Variants in ACER3 observed in about 807,000 individuals in gnomAD.
ACER3 encodes the protein alkCDase 3.
A neutral mutation model predicts 48.9 loss-of-function variants in ACER3; 16 were observed. The ratio of observed to expected loss-of-function variants is 0.33; its 90% CI spans 0.22 to 0.50. ACER3 has a LOEUF of 0.50. ACER3 is among the 20% of genes least tolerant of loss of function. The probability of loss-of-function intolerance (pLI) is 0.98; values close to 1 mark genes in which losing one functional copy is unlikely to be tolerated. For missense variants in ACER3, 227 were observed against 326.0 expected (o/e 0.70, Z 2.34); for synonymous variants, 109 against 107.8 (o/e 1.01, Z -0.07).
At chr11:76,968,870 G>A (rs1269415016) in intron 3 of ACER3, among the ~76,000 whole-genome samples, 1 of 152,144 alleles carries the variant, frequency 6.6e-6, no homozygotes, top group Non-Finnish European at 1.5e-5. Context: ...TACCATTCAG[G>A]ACATAGGCAT....
chr11:76,984,944 A>G (rs1388261297), intron 4 of ACER3, among the ~76,000 whole-genome samples: 1 of 152,180 alleles, frequency 6.6e-6, no homozygotes, highest in African/African-American at 2.4e-5. Context: ...ACCTTACTAG[A>G]ACTGGAAGGA....
chr11:76,970,480 A>G (rs1305144850), intron 3 of ACER3, among the ~76,000 whole-genome samples: 1 of 152,210 alleles, frequency 6.6e-6, no homozygotes. Context: ...TCAAAGACTG[A>G]TGAAGTGTTC....
chr11:76,896,933 T>C (rs1195327267), intron 1 of ACER3, among the ~76,000 whole-genome samples: 1 of 151,666 alleles, frequency 6.6e-6, no homozygotes. Context: ...TTTTTTGTTG[T>C]TGTTGTTGTT....
At chr11:76,864,690 C>G (rs7932066) in intron 1 of ACER3, among the ~76,000 whole-genome samples, 16,110 of 148,174 alleles carry the variant, frequency 0.11, 2,895 homozygotes, top group African/African-American at 0.37. Flanking sequence ...ACCTCCACCC[C>G]CTGGGTTCAA....
intron 2 of ACER3, among the ~76,000 whole-genome samples, chr11:76,936,560 T>C (rs1206487078): frequency 1.3e-5 from 2 of 152,088 alleles, no homozygotes; most frequent in Non-Finnish European, 2.9e-5. Flanking sequence ...TAAAAAAAAC[T>C]TTTGTTATAT....
chr11:76,969,990 A>G (rs1948252129), intron 3 of ACER3, among the ~76,000 whole-genome samples: 1 of 152,024 alleles, frequency 6.6e-6, no homozygotes, highest in African/African-American at 2.4e-5. Flanking sequence ...ATAAGATCTT[A>G]TAGTGTGCAG....
chr11:76,867,668 A>T (rs116072010), intron 1 of ACER3, among the ~76,000 whole-genome samples: 3,736 of 152,198 alleles, frequency 0.025, 139 homozygotes, highest in African/African-American at 0.082. Context: ...AAAAATAAAA[A>T]TAAATAAATA....
intron 2 of ACER3, among the ~76,000 whole-genome samples, chr11:76,939,374 C>T (rs924370240): frequency 2.0e-5 from 3 of 152,088 alleles, no homozygotes; most frequent in African/African-American, 4.8e-5. Flanking sequence ...CAAAGTTAAC[C>T]GCATTAATAA....
intron 7 of ACER3, among the ~76,000 whole-genome samples, chr11:77,002,303 T>A (rs1192547889): frequency 2.0e-5 from 3 of 152,196 alleles, no homozygotes; most frequent in Admixed American, 6.5e-5. Flanking sequence ...TTACTAATTT[T>A]CTTTATCATG....
At chr11:76,930,826 G>C (rs1188239489) in intron 2 of ACER3, among the ~76,000 whole-genome samples, 2 of 152,086 alleles carry the variant, frequency 1.3e-5, no homozygotes, top group African/African-American at 4.8e-5. Context: ...TGTGGTCTGA[G>C]AGACAGTTTG....
At chr11:76,985,612 T>C in intron 4 of ACER3, 31 bp from the exon 5 acceptor site, 1 of 1,401,516 alleles carries the variant, frequency 7.1e-7, no homozygotes, top group Non-Finnish European at 9.8e-7. Context: ...TATATATTCT[T>C]TTAAAAGTTT....
At chr11:76,971,979 A>G (rs1164605191) in intron 3 of ACER3, among the ~76,000 whole-genome samples, 1 of 152,218 alleles carries the variant, frequency 6.6e-6, no homozygotes, top group Non-Finnish European at 1.5e-5. Context: ...CTACAGATGC[A>G]CATCTCCCCT....
chr11:77,000,532 T>G (rs1555019579), intron 7 of ACER3, among the ~76,000 whole-genome samples: 1 of 152,216 alleles, frequency 6.6e-6, no homozygotes, highest in African/African-American at 2.4e-5. Context: ...TCTAAAAGAC[T>G]GTATAGTTTT....
chr11:76,998,685 G>T, intron 6 of ACER3, 78 bp from the exon 7 acceptor site: 1 of 914,242 alleles, frequency 1.1e-6, no homozygotes, highest in Non-Finnish European at 1.7e-6. Context: ...AATTGGGAAG[G>T]CTATTTTGGT....
chr11:76,868,130 AC>A, intron 1 of ACER3: 1 of 1,289,580 alleles, frequency 7.8e-7, no homozygotes, highest in East Asian at 5.6e-5. Context: ...GTTCCTTCCT[AC>A]CATCCTCCCT....
chr11:76,913,554 A>G (rs1175121052), intron 1 of ACER3, among the ~76,000 whole-genome samples: 3 of 152,020 alleles, frequency 2.0e-5, no homozygotes, highest in Non-Finnish European at 4.4e-5. Context: ...ATCAATACCT[A>G]ATTTACAAAT....
At chr11:76,976,371 T>C in intron 4 of ACER3, 30 bp downstream of exon 4, 1 of 1,422,522 alleles carries the variant, frequency 7.0e-7, no homozygotes, top group South Asian at 1.2e-5. Flanking sequence ...CATTGTTTGA[T>C]TTATTTTTAA....
Position 77,025,752 on chromosome 11 carries a change from G to T in ACER3, c.*5425G>T, listed in dbSNP as rs908680824. The stretch of plus-strand genomic sequence containing the variant: ...TTTAGAGAAAGAAGAATATGCAACA[G>T]AAACTGTATGTAGCCTGCAAAGCCT... On this transcript the variant is annotated 3_prime_UTR_variant, in exon 11 of 11. Coordinates refer to ENST00000532485, the MANE Select transcript of ACER3 (RefSeq NM_018367.7). The T allele has an allele frequency of 1.3e-5, 2 of 152,144 alleles. No individual in the cohort carries two copies. The highest frequency in any genetic ancestry group is 2.4e-5 in the African/African-American group (1 of 41,420). 9.4% of individuals were successfully genotyped at this position (152,144 alleles called of 1,614,324 possible). A position where few individuals can be genotyped will look rare whatever the true frequency, so the allele number is the denominator to read the frequency against.
chr11:76,884,482 T>C (rs1176522608), intron 1 of ACER3, among the ~76,000 whole-genome samples: 1 of 152,230 alleles, frequency 6.6e-6, no homozygotes, highest in Non-Finnish European at 1.5e-5. Flanking sequence ...AGTGTTCTTA[T>C]GTTCATTAGT....
Sources: gnomAD v4.1 joint callset for allele counts (sites outside exome capture counted in the v4.1 genomes callset) on GRCh38, gnomAD v4.1.1 for gene constraint, MANE v1.5 for transcripts, NCBI Gene and HGNC (gene_info 2026-07-23, HGNC 2026-07-21) for gene names.